The following DOCK3 variants were observed in gnomAD, a reference collection of about 807,000 sequenced individuals.
The protein encoded by DOCK3 is dedicator of cytokinesis 3, also known as dedicator of cytokinesis protein 3.
In DOCK3, 60 loss-of-function variants were observed where a neutral mutation model predicts 265.6. The observed-to-expected ratio is 0.23, with a 90% CI of 0.18 to 0.28. The LOEUF is 0.28. Among genes scored for constraint, DOCK3 ranks in the 10% least tolerant of loss-of-function variants. The probability of loss-of-function intolerance (pLI) is 1.00; values close to 1 mark genes in which losing one functional copy is unlikely to be tolerated. For missense variants in DOCK3, 1,981 were observed against 2,594.3 expected, an observed-to-expected ratio of 0.76 and a Z score of 5.14; for synonymous variants, 881 against 938.0, an observed-to-expected ratio of 0.94 and a Z score of 1.11.
chr3:51,249,150 T>TGG (rs1170918608), intron 22 of DOCK3, among the ~76,000 whole-genome samples: 1 of 81,918 alleles, frequency 1.2e-5, no homozygotes, highest in African/African-American at 5.1e-5. Flanking sequence ...GGGAGGGAGG[T>TGG]GGGGGGGTCA....
intron 5 of DOCK3, among the ~76,000 whole-genome samples, chr3:50,988,652 G>A (rs2077992359): frequency 6.6e-6 from 1 of 152,122 alleles, no homozygotes. Flanking sequence ...ACTGGCCCCT[G>A]TCTCCCTGGG....
chr3:50,736,297 T>C (rs2038607205), intron 1 of DOCK3, among the ~76,000 whole-genome samples: 1 of 151,234 alleles, frequency 6.6e-6, no homozygotes, highest in Non-Finnish European at 1.5e-5. Flanking sequence ...ATCCAGTCTA[T>C]CATTGATGGA....
At chr3:51,066,872 G>T (rs2081608351) in intron 6 of DOCK3, among the ~76,000 whole-genome samples, 1 of 152,122 alleles carries the variant, frequency 6.6e-6, no homozygotes, top group Non-Finnish European at 1.5e-5. Context: ...TAGTAGGATT[G>T]CTTGGCACCT....
chr3:50,926,979 C>T (rs974956488), intron 4 of DOCK3, among the ~76,000 whole-genome samples: 2 of 152,198 alleles, frequency 1.3e-5, no homozygotes, highest in African/African-American at 4.8e-5. Flanking sequence ...CTTCTAGCGA[C>T]TCCCGTCTCA....
intron 34 of DOCK3, 64 bp downstream of exon 34, chr3:51,333,091 A>G (rs1417400568): frequency 1.2e-6 from 2 of 1,613,558 alleles, no homozygotes; most frequent in African/African-American, 1.3e-5. Context: ...GGGCTCTTGG[A>G]CTTCACTCTT....
intron 26 of DOCK3, chr3:51,278,601 C>G: frequency 1.1e-6 from 1 of 917,814 alleles, no homozygotes; most frequent in Non-Finnish European, 1.3e-6. Flanking sequence ...GGCACTCTCA[C>G]TGTAAGTAAA....
At chr3:50,750,619 C>T (rs1239515166) in intron 1 of DOCK3, among the ~76,000 whole-genome samples, 1 of 152,190 alleles carries the variant, frequency 6.6e-6, no homozygotes, top group Non-Finnish European at 1.5e-5. Context: ...TGAGCTACCG[C>T]GCCTGGCCTA....
chr3:50,795,437 C>T (rs1042929028), intron 2 of DOCK3, among the ~76,000 whole-genome samples: 6 of 151,858 alleles, frequency 4.0e-5, no homozygotes, highest in Admixed American at 1.3e-4. Context: ...GCTGGAGTGC[C>T]GTGGCATGAT....
intron 5 of DOCK3, among the ~76,000 whole-genome samples, chr3:50,966,107 A>G (rs1411377060): frequency 1.3e-5 from 2 of 151,948 alleles, no homozygotes; most frequent in Non-Finnish European, 2.9e-5. Flanking sequence ...TTCACTTTAC[A>G]TAATATCCTC....
intron 14 of DOCK3, 39 bp downstream of exon 14, chr3:51,214,286 TA>T: frequency 6.2e-7 from 1 of 1,608,980 alleles, no homozygotes; most frequent in Non-Finnish European, 8.5e-7. Context: ...GAAGATGGGT[TA>T]GGATGGAATC....
intron 9 of DOCK3, among the ~76,000 whole-genome samples, chr3:51,122,129 G>A (rs575411839): frequency 1.4e-4 from 22 of 152,254 alleles, no homozygotes; most frequent in South Asian, 4.1e-4. Flanking sequence ...CCCTGGTAGC[G>A]TATCATGAGC....
intron 23 of DOCK3, among the ~76,000 whole-genome samples, chr3:51,266,954 C>T (rs1226052225): frequency 1.3e-5 from 2 of 152,096 alleles, no homozygotes; most frequent in Non-Finnish European, 2.9e-5. Context: ...TATCCAAAAT[C>T]TACAAAGAAC....
At chr3:51,047,889 C>A (rs1317424317) in intron 5 of DOCK3, among the ~76,000 whole-genome samples, 4 of 152,028 alleles carry the variant, frequency 2.6e-5, no homozygotes, top group Non-Finnish European at 5.9e-5. Flanking sequence ...TTTTATGAGG[C>A]CAGCATCACC....
intron 5 of DOCK3, among the ~76,000 whole-genome samples, chr3:51,031,272 C>T (rs947265673): frequency 6.6e-6 from 1 of 151,980 alleles, no homozygotes; most frequent in African/African-American, 2.4e-5. Flanking sequence ...AAGGGTTGAG[C>T]CTTAGAAAGG....
At chr3:50,975,583 G>A (rs2077415505) in intron 5 of DOCK3, among the ~76,000 whole-genome samples, 1 of 150,366 alleles carries the variant, frequency 6.7e-6, no homozygotes, top group Non-Finnish European at 1.5e-5. Flanking sequence ...GTTCATCAAG[G>A]ATATTGGCCT....
At chr3:51,149,441 A>G (rs2085468937) in intron 10 of DOCK3, among the ~76,000 whole-genome samples, 1 of 152,006 alleles carries the variant, frequency 6.6e-6, no homozygotes, top group African/African-American at 2.4e-5. Flanking sequence ...AATGCTTCCA[A>G]TTTTTGCCCA....
intron 5 of DOCK3, among the ~76,000 whole-genome samples, chr3:51,008,696 A>C (rs1185420520): frequency 6.6e-6 from 1 of 152,160 alleles, no homozygotes; most frequent in Admixed American, 6.5e-5. Flanking sequence ...GTCTTGTGCC[A>C]GTTTTCAAAG....
chr3:50,748,547 A>G (rs908771040), intron 1 of DOCK3, among the ~76,000 whole-genome samples: 11 of 152,264 alleles, frequency 7.2e-5, no homozygotes, highest in Middle Eastern at 3.4e-3. Context: ...TGTTGTTGGT[A>G]ATGTTTGTCC....
chr3:50,924,356 C>A (rs777052024), intron 4 of DOCK3, among the ~76,000 whole-genome samples: 3 of 152,162 alleles, frequency 2.0e-5, no homozygotes, highest in Non-Finnish European at 2.9e-5. Flanking sequence ...ACAAAGTCTT[C>A]TATAGTCTTG....
Sources: allele counts gnomAD v4.1 joint callset (sites outside exome capture counted in the v4.1 genomes callset), GRCh38; gene constraint gnomAD v4.1.1; transcripts MANE v1.5; gene names NCBI Gene and HGNC (gene_info 2026-07-23, HGNC 2026-07-21).